Variants in TMEM132D observed in about 807,000 individuals in gnomAD.
TMEM132D encodes mature OL transmembrane protein.
In TMEM132D, 21 loss-of-function variants were observed where a neutral mutation model predicts 62.3. The ratio of observed to expected loss-of-function variants is 0.34; its 90% CI spans 0.24 to 0.49. TMEM132D has a LOEUF of 0.49. Ranked by LOEUF, TMEM132D falls within the 20% of genes least tolerant of loss-of-function variation. TMEM132D has a pLI of 0.99. For synonymous variants in TMEM132D, 621 were observed against 575.6 expected (o/e 1.08, Z -1.13); for missense variants, 1,346 against 1,402.8 (o/e 0.96, Z 0.65).
intron 2 of TMEM132D, among the ~76,000 whole-genome samples, chr12:129,584,470 T>C (rs1877963413): frequency 6.6e-6 from 1 of 152,218 alleles, no homozygotes; most frequent in Non-Finnish European, 1.5e-5. Flanking sequence ...GGCCTCATGG[T>C]GGGTGGGAGT....
rs577439517 is a variant in TMEM132D, at chr12:129,262,134, T to C, written c.1300-52471A>G. On this transcript the variant is annotated intron_variant, in intron 4 of 8. Transcript: ENST00000422113. ...GATGCCCCTGCCTGTGATGGTTTCT[T>C]GTGTTCTATTTGTAAAGGGATGCAC... is the stretch of plus-strand genomic sequence containing the variant. Among the ~76,000 whole-genome samples, 4 of 152,260 alleles carry C rather than the reference T, an allele frequency of 2.6e-5. No homozygotes were observed. The South Asian group carries it at 6.2e-4, about 24-fold the overall frequency.
At position 129,213,501 on chromosome 12, in the gene TMEM132D, C is replaced by CAAACAAAACA. The variant is rs144820911; in HGVS notation, c.1300-3848_1300-3839dup. ...AACAGAGCGAGGCCTTCTCTCAAAA[C>CAAACAAAACA]AAACAAAACAAAACAAAACAAAACA... On this transcript the variant is annotated intron_variant, in intron 4 of 8. Coordinates refer to ENST00000422113, the MANE Select transcript of TMEM132D (RefSeq NM_133448.3). Among the ~76,000 whole-genome samples the CAAACAAAACA allele has an allele frequency of 2.0e-3, 297 of 150,564 alleles. 1 individual carries two copies. The highest frequency in any genetic ancestry group is 6.0e-3 in the African/African-American group (245 of 40,984).
At chr12:129,768,087 G>A (rs1252557781) in intron 1 of TMEM132D, among the ~76,000 whole-genome samples, 1 of 152,166 alleles carries the variant, frequency 6.6e-6, no homozygotes, top group Non-Finnish European at 1.5e-5. Flanking sequence ...TCCCTCCCAT[G>A]ACATGTCAGA....
intron 3 of TMEM132D, among the ~76,000 whole-genome samples, chr12:129,375,407 T>A (rs2135683350): frequency 6.6e-6 from 1 of 152,304 alleles, no homozygotes; most frequent in South Asian, 2.1e-4. Context: ...ATCATCTGTG[T>A]CATAAGGTGA....
intron 7 of TMEM132D, among the ~76,000 whole-genome samples, chr12:129,079,199 A>G (rs1364482972): frequency 6.6e-6 from 1 of 152,210 alleles, no homozygotes; most frequent in African/African-American, 2.4e-5. Context: ...GCTCTTGCAC[A>G]TAAAAACCAA....
chr12:129,524,041 T>C (rs565338294), intron 3 of TMEM132D, among the ~76,000 whole-genome samples: 6 of 149,188 alleles, frequency 4.0e-5, no homozygotes, highest in African/African-American at 1.5e-4. Context: ...TGAGAACACA[T>C]GGACACAGGA....
At chr12:129,353,635 C>T (rs1467546770) in intron 3 of TMEM132D, among the ~76,000 whole-genome samples, 10 of 152,110 alleles carry the variant, frequency 6.6e-5, no homozygotes, top group South Asian at 2.1e-4. Flanking sequence ...GAGAAAGGCA[C>T]GGGGCTATGT....
chr12:129,215,506 G>A (rs772696154), intron 4 of TMEM132D, among the ~76,000 whole-genome samples: 4 of 152,088 alleles, frequency 2.6e-5, no homozygotes, highest in Non-Finnish European at 5.9e-5. Context: ...TTAAATTAAG[G>A]TGAAAAAAAT....
intron 3 of TMEM132D, among the ~76,000 whole-genome samples, chr12:129,360,073 C>T (rs1311868289): frequency 1.3e-5 from 2 of 151,994 alleles, no homozygotes; most frequent in Admixed American, 1.3e-4. Context: ...ACTGGAATGT[C>T]ACACAGAGTA....
At chr12:129,383,168 C>T (rs1426367476) in intron 3 of TMEM132D, among the ~76,000 whole-genome samples, 1 of 152,174 alleles carries the variant, frequency 6.6e-6, no homozygotes, top group African/African-American at 2.4e-5. Context: ...GCACCATCAA[C>T]GGAAGATGTG....
intron 5 of TMEM132D, among the ~76,000 whole-genome samples, chr12:129,118,319 A>C (rs1422583650): frequency 6.6e-6 from 1 of 152,226 alleles, no homozygotes; most frequent in Non-Finnish European, 1.5e-5. Context: ...AGTTATTATG[A>C]AACATCCCTC....
rs113935913 is a variant in TMEM132D at position 129,195,955 on chromosome 12, C to T, written c.1443+13565G>A. Among the ~76,000 whole-genome samples the T allele has an allele frequency of 8.6e-3, 1,301 of 152,004 alleles. 18 individuals are homozygous for T. Among genetic ancestry groups the T allele is most frequent in the African/African-American group, 0.03 (1,246 of 41,470 alleles). On this transcript the variant is annotated intron_variant, in intron 5 of 8. Coordinates refer to ENST00000422113, the MANE Select transcript of TMEM132D (RefSeq NM_133448.3). Reference sequence around the variant, plus strand: ...CAGCTGGGCCAACGTGGTGAAACCCCATCTCTACCAAAAATACAAAAATTA... The same window carrying T: ...CAGCTGGGCCAACGTGGTGAAACCCTATCTCTACCAAAAATACAAAAATTA...
At chr12:129,289,566 A>AAG (rs766310015) in intron 4 of TMEM132D, among the ~76,000 whole-genome samples, 4,000 of 144,206 alleles carry the variant, frequency 0.028, 128 homozygotes, top group East Asian at 0.19. Flanking sequence ...AAAAAAAAAG[A>AAG]AAAAAAAGAA....
chr12:129,075,988 G>A (rs1444571760), intron 8 of TMEM132D, among the ~76,000 whole-genome samples: 1 of 152,028 alleles, frequency 6.6e-6, no homozygotes, highest in Admixed American at 6.5e-5. Context: ...GCACTAGGTG[G>A]CCCATGACCC....
At chr12:129,120,781 G>A (rs949134709) in intron 5 of TMEM132D, among the ~76,000 whole-genome samples, 2 of 152,010 alleles carry the variant, frequency 1.3e-5, no homozygotes, top group African/African-American at 4.8e-5. Context: ...CACATAAACG[G>A]TCTGTACAGT....
intron 2 of TMEM132D, among the ~76,000 whole-genome samples, chr12:129,573,296 C>A (rs902463227): frequency 2.6e-5 from 4 of 152,190 alleles, no homozygotes; most frequent in African/African-American, 9.6e-5. Flanking sequence ...CCAGGGAGAG[C>A]TGAGATGAAA....
intron 3 of TMEM132D, among the ~76,000 whole-genome samples, chr12:129,388,971 A>G (rs1256105532): frequency 7.5e-6 from 1 of 134,008 alleles, no homozygotes; most frequent in African/African-American, 2.7e-5. Flanking sequence ...TAACACCAAC[A>G]CTCATCCTAA....
chr12:129,166,974 G>T (rs1877581118), intron 5 of TMEM132D, among the ~76,000 whole-genome samples: 2 of 151,858 alleles, frequency 1.3e-5, no homozygotes, highest in African/African-American at 4.8e-5. Context: ...GACCAACCTG[G>T]CCAACATGGC....
chr12:129,117,463 T>C (rs1467021539), intron 5 of TMEM132D, among the ~76,000 whole-genome samples: 1 of 152,218 alleles, frequency 6.6e-6, no homozygotes, highest in East Asian at 1.9e-4. Flanking sequence ...CCCCAAAAGC[T>C]GACATTTATA....
Sources: allele counts gnomAD v4.1 joint callset (sites outside exome capture counted in the v4.1 genomes callset), GRCh38; gene constraint gnomAD v4.1.1; transcripts MANE v1.5; gene names NCBI Gene and HGNC (gene_info 2026-07-23, HGNC 2026-07-21).